Variants in CACNA2D3 observed in about 807,000 individuals in gnomAD.
The protein encoded by CACNA2D3 is calcium voltage-gated channel auxiliary subunit alpha2delta 3.
In CACNA2D3, 60 loss-of-function variants were observed where a neutral mutation model predicts 160.6. That is an observed-to-expected ratio of 0.37 (90% CI 0.30 to 0.46). The LOEUF is 0.46. CACNA2D3 is among the 20% of genes least tolerant of loss of function. The pLI is 1.00. For synonymous variants in CACNA2D3, 558 were observed against 492.9 expected (o/e 1.13, Z -1.75); for missense variants, 1,205 against 1,365.0 (o/e 0.88, Z 1.85).
In CACNA2D3 at chr3:54,661,228, C is replaced by G. The variant is rs552157196; in HGVS notation, c.1167+18987C>G. On this transcript the variant is annotated intron_variant, in intron 11 of 37. Transcript: ENST00000474759. ...GACAAGTGTCTAGAGCCTTCTAGGTCAAAGCCTGAATTTTTAGCCCTTTCA... is the reference window on the plus strand; with the variant it reads ...GACAAGTGTCTAGAGCCTTCTAGGTGAAAGCCTGAATTTTTAGCCCTTTCA... 4.6e-5 allele frequency among the ~76,000 whole-genome samples: 7 copies of G among 152,272 alleles called. No homozygotes were observed. The South Asian group carries it at 1.0e-3, about 23-fold the overall frequency.
intron 4 of CACNA2D3, among the ~76,000 whole-genome samples, chr3:54,410,217 G>A (rs185436765): frequency 1.5e-3 from 231 of 152,262 alleles, no homozygotes; most frequent in African/African-American, 5.1e-3. Context: ...AGCCAGGCGT[G>A]GTGGCTTGCA....
chr3:54,145,311 G>A (rs985869236), intron 2 of CACNA2D3, among the ~76,000 whole-genome samples: 1 of 152,364 alleles, frequency 6.6e-6, no homozygotes, highest in African/African-American at 2.4e-5. Flanking sequence ...GTTGCGCTGT[G>A]CACGGTGGTA....
intron 11 of CACNA2D3, among the ~76,000 whole-genome samples, chr3:54,673,934 C>T (rs908350293): frequency 1.3e-5 from 2 of 152,220 alleles, no homozygotes; most frequent in East Asian, 3.9e-4. Context: ...AAGAAAGCCT[C>T]ATGTGTCTCT....
intron 35 of CACNA2D3, among the ~76,000 whole-genome samples, chr3:55,043,285 C>T (rs948659366): frequency 2.0e-5 from 3 of 150,810 alleles, no homozygotes; most frequent in Non-Finnish European, 4.4e-5. Context: ...ATTATTCATT[C>T]CTTCCTTCCT....
chr3:54,669,154 C>T (rs980896996), intron 11 of CACNA2D3, among the ~76,000 whole-genome samples: 3 of 152,198 alleles, frequency 2.0e-5, no homozygotes, highest in African/African-American at 4.8e-5. Context: ...CAGTTAAACA[C>T]GGTTCCACAT....
At chr3:55,018,178 A>G in intron 34 of CACNA2D3, 28 bp from the exon 35 acceptor site, 1 of 1,451,680 alleles carries the variant, frequency 6.9e-7, no homozygotes, top group South Asian at 1.2e-5. Flanking sequence ...TGCATTCTTT[A>G]CCTTTTTTTT....
At chr3:54,402,872 T>G (rs1328471102) in intron 4 of CACNA2D3, among the ~76,000 whole-genome samples, 1 of 152,180 alleles carries the variant, frequency 6.6e-6, no homozygotes, top group Non-Finnish European at 1.5e-5. Context: ...ACGAACCATA[T>G]GGTAAGCCAC....
At chr3:54,326,637 A>G (rs895315522) in intron 3 of CACNA2D3, among the ~76,000 whole-genome samples, 1 of 152,226 alleles carries the variant, frequency 6.6e-6, no homozygotes, top group Non-Finnish European at 1.5e-5. Flanking sequence ...GGTTCTTAAG[A>G]CAGAACTGAT....
At chr3:54,880,994 G>T (rs919422896) in intron 21 of CACNA2D3, 131 bp downstream of exon 21, 1 of 751,010 alleles carries the variant, frequency 1.3e-6, no homozygotes, top group Non-Finnish European at 2.4e-6. Flanking sequence ...CCACTCAAAC[G>T]AATGCCTACT....
At chr3:54,491,249 T>G (rs1191738850) in intron 4 of CACNA2D3, among the ~76,000 whole-genome samples, 1 of 152,194 alleles carries the variant, frequency 6.6e-6, no homozygotes, top group Non-Finnish European at 1.5e-5. Flanking sequence ...TTAGGGAGTT[T>G]GCAGCCAGTT....
At chr3:54,984,879 G>C (rs1196460664) in intron 30 of CACNA2D3, among the ~76,000 whole-genome samples, 2 of 152,166 alleles carry the variant, frequency 1.3e-5, no homozygotes, top group East Asian at 1.9e-4. Flanking sequence ...CCACTGGGGG[G>C]TGCAGGGGGG....
chr3:54,949,791 G>A (rs1263760443), intron 27 of CACNA2D3, among the ~76,000 whole-genome samples: 1 of 119,260 alleles, frequency 8.4e-6, no homozygotes, highest in Non-Finnish European at 1.8e-5. Flanking sequence ...TTAGGCTCCT[G>A]GATGGAAGAC....
intron 14 of CACNA2D3, among the ~76,000 whole-genome samples, chr3:54,831,469 C>T (rs1458561149): frequency 6.6e-6 from 1 of 152,212 alleles, no homozygotes; most frequent in Non-Finnish European, 1.5e-5. Context: ...GTGGAGGCTG[C>T]CCAGACAGCA....
chr3:54,411,479 C>T (rs551380664), intron 4 of CACNA2D3, among the ~76,000 whole-genome samples: 1 of 152,284 alleles, frequency 6.6e-6, no homozygotes, highest in East Asian at 1.9e-4. Flanking sequence ...AGTCAAGACC[C>T]TCCACCAGCA....
At chr3:54,688,702 T>C (rs1054480406) in intron 11 of CACNA2D3, among the ~76,000 whole-genome samples, 1 of 150,164 alleles carries the variant, frequency 6.7e-6, no homozygotes, top group Admixed American at 6.7e-5. Context: ...GCTGCAATTA[T>C]TAATGTTAAT....
chr3:54,641,258 A>G (rs1037793190), intron 10 of CACNA2D3, among the ~76,000 whole-genome samples: 1 of 152,256 alleles, frequency 6.6e-6, no homozygotes, highest in African/African-American at 2.4e-5. Flanking sequence ...TAGCCTGGAA[A>G]GGCAAGACAT....
At chr3:54,222,398 T>TC (rs1577008688) in intron 2 of CACNA2D3, among the ~76,000 whole-genome samples, 1 of 152,196 alleles carries the variant, frequency 6.6e-6, no homozygotes, top group East Asian at 1.9e-4. Context: ...TAAACCAATG[T>TC]CCCAGCTCAA....
intron 14 of CACNA2D3, among the ~76,000 whole-genome samples, chr3:54,821,677 TTTCTTTCTTTCTTTCTTTCTTTCC>T (rs1703600909): frequency 8.0e-6 from 1 of 124,268 alleles, no homozygotes; most frequent in Non-Finnish European, 1.7e-5. Flanking sequence ...TCTTTCTTTC[TTTCTTTCTTTCTTTCTTTCTTTCC>T]TTCCTTCCTT....
At chr3:54,851,847 A>G (rs146299712) in intron 17 of CACNA2D3, among the ~76,000 whole-genome samples, 2 of 152,230 alleles carry the variant, frequency 1.3e-5, no homozygotes, top group Non-Finnish European at 1.5e-5. Context: ...CATTCTTTTC[A>G]TGCTAATCTT....
Sources: allele counts gnomAD v4.1 joint callset (sites outside exome capture counted in the v4.1 genomes callset), GRCh38; gene constraint gnomAD v4.1.1; transcripts MANE v1.5; gene names NCBI Gene and HGNC (gene_info 2026-07-23, HGNC 2026-07-21).